FAM171B: variants seen among roughly 807,000 people sequenced by gnomAD.
FAM171B encodes the protein protein FAM171B.
In FAM171B, 19 loss-of-function variants were observed where a neutral mutation model predicts 75.6. That is an observed-to-expected ratio of 0.25 (90% confidence interval 0.18 to 0.37). The LOEUF is 0.37. Among genes scored for constraint, FAM171B ranks in the 10% least tolerant of loss-of-function variants. FAM171B has a pLI of 1.00. For missense variants in FAM171B, 848 were observed against 982.4 expected (o/e 0.86, Z 1.83); for synonymous variants, 367 against 361.7 (o/e 1.01, Z -0.17).
chr2:186,698,053 C>G (rs973104577), intron 1 of FAM171B, among the ~76,000 whole-genome samples: 3 of 152,110 alleles, frequency 2.0e-5, no homozygotes, highest in Admixed American at 1.3e-4. Flanking sequence ...TCCATCTGTA[C>G]CAGTATTTGT....
intron 6 of FAM171B, among the ~76,000 whole-genome samples, chr2:186,759,234 A>G (rs1690579983): frequency 6.6e-6 from 1 of 152,130 alleles, no homozygotes; most frequent in Non-Finnish European, 1.5e-5. Flanking sequence ...AATCTTGGCT[A>G]TTGTGAACCG....
At chr2:186,703,341 T>C (rs1438842304) in intron 1 of FAM171B, among the ~76,000 whole-genome samples, 2 of 152,192 alleles carry the variant, frequency 1.3e-5, no homozygotes, top group Non-Finnish European at 2.9e-5. Flanking sequence ...ATCCAAATGC[T>C]AGCTGGGCTT....
In FAM171B at chr2:186,764,463, C is replaced by G. The variant is rs1293810495; in HGVS notation, c.*1640C>G. 1.2e-5 allele frequency: 1 copy of G among 83,050 alleles called. No individual in the cohort carries two copies. The highest frequency in any genetic ancestry group is 4.4e-4 in the East Asian group (1 of 2,286). 5.1% of individuals were successfully genotyped at this position (83,050 alleles called of 1,614,324 possible). A position where few individuals can be genotyped will look rare whatever the true frequency, so the allele number is the denominator to read the frequency against. ...ATGTTTTGGGTAATACCTAGGCTTC[C>G]TTTTTTTTTTTTTTTTTTTTTTTTT... On this transcript the variant is annotated 3_prime_UTR_variant, in exon 8 of 8. Coordinates refer to ENST00000304698, the MANE Select transcript of FAM171B (RefSeq NM_177454.4).
intron 1 of FAM171B, among the ~76,000 whole-genome samples, chr2:186,713,366 A>G (rs1233996074): frequency 2.0e-5 from 3 of 152,114 alleles, no homozygotes; most frequent in Non-Finnish European, 1.5e-5. Context: ...TCTTGGGGAA[A>G]CTCATTAAAC....
intron 1 of FAM171B, among the ~76,000 whole-genome samples, chr2:186,702,294 A>G (rs1689673215): frequency 6.6e-6 from 1 of 152,206 alleles, no homozygotes; most frequent in South Asian, 2.1e-4. Flanking sequence ...TTGTAACACA[A>G]TTTTAAGTAC....
Position 186,764,426 on chromosome 2 carries a change from A to G in FAM171B, c.*1603A>G, listed in dbSNP as rs1487983352. 1 of 147,998 alleles carries G rather than the reference A, an allele frequency of 6.8e-6. No individual in the cohort carries two copies. The highest frequency in any genetic ancestry group is 1.5e-5 in the Non-Finnish European group (1 of 67,032). The allele number at this position is 147,998 out of a possible 1,614,324, so 9.2% of individuals were successfully genotyped here. A position where few individuals can be genotyped will look rare whatever the true frequency, so the allele number is the denominator to read the frequency against. The stretch of plus-strand genomic sequence containing the variant: ...TATTTGCTATATATTACCCCAATCC[A>G]TAGAAGAAATAATGTTTTGGGTAAT... On this transcript the variant is annotated 3_prime_UTR_variant, in exon 8 of 8. Coordinates refer to ENST00000304698, the MANE Select transcript of FAM171B (RefSeq NM_177454.4).
At chr2:186,721,074 G>A (rs1034804887) in intron 1 of FAM171B, among the ~76,000 whole-genome samples, 7 of 152,110 alleles carry the variant, frequency 4.6e-5, no homozygotes, top group East Asian at 1.9e-4. Flanking sequence ...AATATGAACC[G>A]AAGAAGATGG....
At chr2:186,729,208 G>A (rs1375624730) in intron 1 of FAM171B, among the ~76,000 whole-genome samples, 3 of 151,878 alleles carry the variant, frequency 2.0e-5, no homozygotes, top group Non-Finnish European at 2.9e-5. Flanking sequence ...GTTTTCTAAG[G>A]GTGCAGTTGA....
chr2:186,757,089 G>A (rs150432898), intron 6 of FAM171B, among the ~76,000 whole-genome samples: 1 of 152,020 alleles, frequency 6.6e-6, no homozygotes, highest in South Asian at 2.1e-4. Flanking sequence ...AGGCTTCCTC[G>A]TGCAGGCATG....
In FAM171B at chr2:186,743,703, C is replaced by T. The variant is rs545808435; in HGVS notation, c.565+128C>T. On this transcript the variant is annotated intron_variant, in intron 3 of 7. Transcript: ENST00000304698. ...AATTGATCAGTATGATTAGCACTGA[C>T]TATAAGTTGATCTGAACTGATATTT... 1.1e-5 allele frequency: 7 copies of T among 625,470 alleles called. No individual in the cohort carries two copies. The South Asian group carries it at 1.5e-4, about 14-fold the overall frequency. The allele number at this position is 625,470 out of a possible 1,614,324, so 38.7% of individuals were successfully genotyped here. A position where few individuals can be genotyped will look rare whatever the true frequency, so the allele number is the denominator to read the frequency against.
intron 1 of FAM171B, among the ~76,000 whole-genome samples, chr2:186,725,372 T>A (rs981791177): frequency 6.6e-6 from 1 of 151,904 alleles, no homozygotes; most frequent in Non-Finnish European, 1.5e-5. Flanking sequence ...TTTTACTTTC[T>A]CTGTCTTCTT....
At chr2:186,695,385 A>C (rs1188998408) in intron 1 of FAM171B, 1 of 152,030 alleles carries the variant, frequency 6.6e-6, no homozygotes, top group Non-Finnish European at 1.5e-5. Context: ...TTGGAAAGAA[A>C]AAAAGCCTCC....
chr2:186,755,670 T>G (rs1690522609), intron 6 of FAM171B, among the ~76,000 whole-genome samples: 1 of 152,204 alleles, frequency 6.6e-6, no homozygotes, highest in Non-Finnish European at 1.5e-5. Context: ...AGTTTGATTT[T>G]TATTTTCATT....
chr2:186,730,365 G>A (rs1474834485), intron 1 of FAM171B, among the ~76,000 whole-genome samples: 2 of 152,240 alleles, frequency 1.3e-5, no homozygotes, highest in African/African-American at 4.8e-5. Flanking sequence ...CCAGCACTGG[G>A]CTGTATATGT....
chr2:186,733,484 C>T (rs1690149716), intron 1 of FAM171B, among the ~76,000 whole-genome samples: 1 of 152,198 alleles, frequency 6.6e-6, no homozygotes, highest in African/African-American at 2.4e-5. Context: ...AGCCAGAAAC[C>T]TTTGTGGCTG....
chr2:186,748,634 G>A (rs1690406862), intron 4 of FAM171B, among the ~76,000 whole-genome samples: 1 of 152,228 alleles, frequency 6.6e-6, no homozygotes, highest in East Asian at 1.9e-4. Context: ...GTGGAACTGA[G>A]CTGGAGTTAC....
In FAM171B at chr2:186,761,940, A is replaced by G. The variant is rs760591609; in HGVS notation, c.1598A>G (p.His533Arg). The G allele has an allele frequency of 1.2e-6, 2 of 1,613,434 alleles. No individual in the cohort carries two copies. Among genetic ancestry groups the G allele is most frequent in the Non-Finnish European group, 8.5e-7 (1 of 1,179,754 alleles). Residue 533 changes from histidine to arginine, a missense_variant, in exon 8 of 8, where the codon CAT becomes CGT. By Grantham distance (29) the His-to-Arg change is conservative (BLOSUM62 0). This residue lies in a region of FAM171B where 665 missense variants were observed against 729.0 expected (regional missense o/e 0.91). Coordinates refer to ENST00000304698, the MANE Select transcript of FAM171B (RefSeq NM_177454.4). ...TCCCATATTCCTGAACAGCTTATGC[A>G]TATTTACAGCCAACCCATTGCCATC... is the stretch of plus-strand genomic sequence containing the variant. The part of the protein sequence containing the change: ...GRSHIPEQLM[H>R]IYSQPIAILQ...
chr2:186,738,079 G>A (rs1690230394), intron 1 of FAM171B, among the ~76,000 whole-genome samples: 1 of 152,238 alleles, frequency 6.6e-6, no homozygotes, highest in Non-Finnish European at 1.5e-5. Flanking sequence ...AGATGCCAGT[G>A]ATCACGGAGC....
intron 1 of FAM171B, among the ~76,000 whole-genome samples, chr2:186,728,005 CTGA>C (rs1348285350): frequency 6.6e-6 from 1 of 151,998 alleles, no homozygotes; most frequent in Non-Finnish European, 1.5e-5. Flanking sequence ...CCAAAGAAGC[CTGA>C]TTTGGGAGAT....
Sources: allele counts gnomAD v4.1 joint callset (sites outside exome capture counted in the v4.1 genomes callset), GRCh38; gene constraint gnomAD v4.1.1; regional missense constraint gnomAD v4.1.1; transcripts MANE v1.5; gene names NCBI Gene and HGNC (gene_info 2026-07-23, HGNC 2026-07-21).